Variants in ADD2 observed in about 807,000 individuals in gnomAD.
The protein encoded by ADD2 is beta-adducin.
In ADD2, 23 loss-of-function variants were observed where a neutral mutation model predicts 83.0. The observed-to-expected ratio is 0.28, with a 90% confidence interval of 0.20 to 0.39. The LOEUF (loss-of-function observed/expected upper bound fraction) is 0.39, where lower values mean the gene tolerates loss of function less well. Among genes scored for constraint, ADD2 ranks in the 10% least tolerant of loss-of-function variants. ADD2 has a pLI of 1.00. For missense variants in ADD2, 758 were observed against 944.9 expected, an observed-to-expected ratio of 0.80 and a Z score of 2.59; for synonymous variants, 375 against 375.4, an observed-to-expected ratio of 1.00 and a Z score of 0.01.
intron 1 of ADD2, among the ~76,000 whole-genome samples, chr2:70,743,512 T>C (rs958750652): frequency 6.6e-6 from 1 of 152,192 alleles, no homozygotes; most frequent in Admixed American, 6.5e-5. Flanking sequence ...AGGGACAATA[T>C]CTGCTTCAAA....
At chr2:70,754,155 T>C (rs1198876318) in intron 1 of ADD2, among the ~76,000 whole-genome samples, 2 of 152,182 alleles carry the variant, frequency 1.3e-5, no homozygotes, top group Non-Finnish European at 2.9e-5. Context: ...CTGAGACAAG[T>C]GCTTTGGTAA....
At chr2:70,687,928 G>A (rs2104302191) in intron 9 of ADD2, 96 bp downstream of exon 9, 1 of 844,244 alleles carries the variant, frequency 1.2e-6, no homozygotes, top group East Asian at 2.5e-5. Context: ...GGGATCAAAA[G>A]ACTCCCTGAA....
chr2:70,676,338 A>G lies in ADD2; in HGVS notation c.1593+458T>C. The stretch of plus-strand genomic sequence containing the variant: ...CTGTAGGAGCATGGGTCCTGTCTAT[A>G]TACCCCTTCTCTATGGGTACATGAT... On this transcript the variant is annotated intron_variant, in intron 13 of 15. Coordinates refer to ENST00000264436, the MANE Select transcript of ADD2 (RefSeq NM_001617.4). The surrounding 1 kb of genome is among the most constrained non-coding windows in gnomAD (Gnocchi z 4.8). The G allele has an allele frequency of 2.9e-6, 3 of 1,037,614 alleles. No individual in the cohort carries two copies. Among genetic ancestry groups the G allele is most frequent in the Non-Finnish European group, 3.5e-6 (3 of 863,592 alleles). The allele number at this position is 1,037,614 out of a possible 1,614,324, so 64.3% of individuals were successfully genotyped here.
In ADD2 at chr2:70,695,732, C is replaced by T; in HGVS notation, c.544G>A (p.Ala182Thr). Reference sequence around the variant, plus strand: ...TGGACTGTACTCACCAGGCTGGACGCTGTGACTTCACTGCAAGAAACTCCC... The same window carrying T: ...TGGACTGTACTCACCAGGCTGGACGTTGTGACTTCACTGCAAGAAACTCCC... ...PKGVSCSEVT[A>T]SSLIKVNILG... The change falls in exon 6 of 16, where the codon GCG becomes ACG. Residue 182 changes from alanine (A) to threonine (T), a missense_variant. Physicochemically the swap from Ala to Thr is moderately conservative, Grantham distance 58 (BLOSUM62 0). Around this residue, in one of 5 missense-constraint regions of ADD2, gnomAD observed 394 missense variants for 509.3 expected, o/e 0.77. Coordinates refer to ENST00000264436, the MANE Select transcript of ADD2 (RefSeq NM_001617.4). The T allele has an allele frequency of 2.5e-6, 4 of 1,614,148 alleles. No homozygotes were observed. Among genetic ancestry groups the T allele is most frequent in the African/African-American group, 2.7e-5 (2 of 75,032 alleles).
chr2:70,696,988 G>A (rs1250819194), intron 4 of ADD2, among the ~76,000 whole-genome samples: 15 of 152,198 alleles, frequency 9.9e-5, no homozygotes, highest in Middle Eastern at 3.4e-3. Context: ...GTGAAACCCC[G>A]TCTCTACTAA....
At chr2:70,690,735 G>A (rs1670983828) in intron 8 of ADD2, 51 bp downstream of exon 8, 1 of 1,564,222 alleles carries the variant, frequency 6.4e-7, no homozygotes, top group Non-Finnish European at 8.6e-7. Context: ...TTGTGATGTT[G>A]GCTTTTGACA....
chr2:70,766,630 A>T (rs920877128), intron 1 of ADD2, among the ~76,000 whole-genome samples: 3 of 152,232 alleles, frequency 2.0e-5, no homozygotes, highest in Non-Finnish European at 4.4e-5. Context: ...CACAAGTTAA[A>T]CATCTCAGGA....
intron 1 of ADD2, among the ~76,000 whole-genome samples, chr2:70,729,780 T>C (rs3821254): frequency 0.13 from 20,533 of 152,246 alleles, 1,563 homozygotes; most frequent in Middle Eastern, 0.26. Context: ...CAGAAACTAT[T>C]TAAACCTTGT....
At chr2:70,734,682 G>A (rs1211960846) in intron 1 of ADD2, among the ~76,000 whole-genome samples, 1 of 152,176 alleles carries the variant, frequency 6.6e-6, no homozygotes, top group Non-Finnish European at 1.5e-5. Context: ...GGAAGAGGGT[G>A]GGCATGAAAT....
At chr2:70,705,912 A>G (rs1423327084) in intron 3 of ADD2, among the ~76,000 whole-genome samples, 4 of 152,172 alleles carry the variant, frequency 2.6e-5, no homozygotes, top group African/African-American at 9.7e-5. Context: ...GTTCACTGTC[A>G]TAGCTTTTGG....
intron 1 of ADD2, among the ~76,000 whole-genome samples, chr2:70,736,859 G>T (rs1279591892): frequency 3.3e-5 from 5 of 151,114 alleles, no homozygotes; most frequent in Non-Finnish European, 7.4e-5. Flanking sequence ...AGAGAAGGAG[G>T]GAGCATCTAT....
intron 2 of ADD2, among the ~76,000 whole-genome samples, chr2:70,712,307 G>A (rs1189263827): frequency 2.6e-5 from 4 of 151,878 alleles, no homozygotes; most frequent in African/African-American, 9.7e-5. Context: ...AGGCGGGCAT[G>A]GTGGTGTGCA....
intron 4 of ADD2, 58 bp downstream of exon 4, chr2:70,704,263 T>TGGGCCCCCCCCCCCC: frequency 8.8e-6 from 8 of 913,232 alleles, no homozygotes; most frequent in Non-Finnish European, 1.4e-5. Context: ...CTCCCTCTCT[T>TGGGCCCCCCCCCCCC]CCCCACCCCA....
chr2:70,669,824 C>T (rs1483948026), intron 15 of ADD2, among the ~76,000 whole-genome samples: 5 of 152,126 alleles, frequency 3.3e-5, no homozygotes, highest in Non-Finnish European at 7.3e-5. Flanking sequence ...GTAGAGAGGC[C>T]GCATGGGTGG....
At chr2:70,670,631 G>C (rs2104188327) in intron 15 of ADD2, among the ~76,000 whole-genome samples, 1 of 152,334 alleles carries the variant, frequency 6.6e-6, no homozygotes, top group South Asian at 2.1e-4. Flanking sequence ...AGGCGACTCA[G>C]CATAAGAGAA....
At chr2:70,727,705 G>T (rs1372450160) in intron 1 of ADD2, among the ~76,000 whole-genome samples, 2 of 152,002 alleles carry the variant, frequency 1.3e-5, no homozygotes, top group African/African-American at 4.8e-5. Flanking sequence ...GACTAGCCTG[G>T]CCAACATGGT....
intron 12 of ADD2, among the ~76,000 whole-genome samples, chr2:70,677,402 C>T (rs1308241306): frequency 3.9e-5 from 6 of 152,170 alleles, no homozygotes; most frequent in East Asian, 3.8e-4. Flanking sequence ...TAAAAATACA[C>T]GCAAGTGAAC....
At chr2:70,762,649 G>A (rs1459336602) in intron 1 of ADD2, among the ~76,000 whole-genome samples, 1 of 148,970 alleles carries the variant, frequency 6.7e-6, no homozygotes, top group Non-Finnish European at 1.5e-5. Flanking sequence ...ATATTATATG[G>A]ATTTAAAGGG....
intron 1 of ADD2, among the ~76,000 whole-genome samples, chr2:70,766,469 A>G (rs968366675): frequency 2.0e-5 from 3 of 152,242 alleles, no homozygotes; most frequent in Admixed American, 6.5e-5. Context: ...TCATATGCTA[A>G]TGGAGATATT....
Sources: allele counts gnomAD v4.1 joint callset (sites outside exome capture counted in the v4.1 genomes callset), GRCh38; gene constraint gnomAD v4.1.1; regional missense constraint gnomAD v4.1.1; non-coding constraint Gnocchi (gnomAD v3.1); transcripts MANE v1.5; gene names NCBI Gene and HGNC (gene_info 2026-07-23, HGNC 2026-07-21).